Variants in NBEA observed in about 807,000 individuals in gnomAD.
NBEA encodes the protein neurobeachin.
NBEA carries 44 observed loss-of-function variants against 343.4 expected under a neutral mutation model. The ratio of observed to expected loss-of-function variants is 0.13; its 90% CI spans 0.10 to 0.16. The LOEUF (loss-of-function observed/expected upper bound fraction) is 0.16. Ranked by LOEUF, NBEA falls within the 10% of genes least tolerant of loss-of-function variation. The probability of loss-of-function intolerance (pLI) is 1.00; values close to 1 mark genes in which losing one functional copy is unlikely to be tolerated. For missense variants in NBEA, 2,555 were observed against 3,631.3 expected (o/e 0.70, Z 7.62); for synonymous variants, 1,175 against 1,238.7 (o/e 0.95, Z 1.08).
At chr13:35,479,076 C>T (rs1032470226) in intron 41 of NBEA, among the ~76,000 whole-genome samples, 1 of 152,210 alleles carries the variant, frequency 6.6e-6, no homozygotes, top group African/African-American at 2.4e-5. Flanking sequence ...TTTTCACTAA[C>T]GATTTGCACT....
chr13:35,510,577 G>A (rs1231755357), intron 41 of NBEA, among the ~76,000 whole-genome samples: 1 of 151,978 alleles, frequency 6.6e-6, no homozygotes, highest in Non-Finnish European at 1.5e-5. Context: ...CGTATTACAC[G>A]TTACTGTCTG....
At position 35,070,633 on chromosome 13, in the gene NBEA, T is replaced by A. The variant is rs919643098; in HGVS notation, c.1438-86T>A. ...AAAAATGTCCAAGTATGTTATTTAA[T>A]TCTATTATAAAGGTATTTGGAACAA... On this transcript the variant is annotated intron_variant, in intron 9 of 58. Transcript: ENST00000379939. The A allele has an allele frequency of 4.2e-6, 5 of 1,200,348 alleles. No homozygotes were observed. The African/African-American group carries it at 7.7e-5, about 18-fold the overall frequency. The allele number at this position is 1,200,348 out of a possible 1,614,324, so 74.4% of individuals were successfully genotyped here.
chr13:35,620,158 T>C (rs974383959), intron 48 of NBEA, among the ~76,000 whole-genome samples: 1 of 152,034 alleles, frequency 6.6e-6, no homozygotes, highest in Non-Finnish European at 1.5e-5. Flanking sequence ...TTTGCAAGGA[T>C]CCCTGCCGTC....
chr13:35,620,993 G>A (rs1413871535), intron 48 of NBEA, among the ~76,000 whole-genome samples: 1 of 152,098 alleles, frequency 6.6e-6, no homozygotes, highest in African/African-American at 2.4e-5. Flanking sequence ...GGTGTTTAGT[G>A]CCTGTTGTCA....
At chr13:35,265,546 C>T (rs1003418501) in intron 34 of NBEA, among the ~76,000 whole-genome samples, 3 of 151,692 alleles carry the variant, frequency 2.0e-5, no homozygotes, top group Non-Finnish European at 3.0e-5. Context: ...AAAGATAGCC[C>T]AGAAATAAAT....
chr13:35,444,731 T>A (rs1396003345), intron 39 of NBEA, among the ~76,000 whole-genome samples: 1 of 152,056 alleles, frequency 6.6e-6, no homozygotes, highest in Non-Finnish European at 1.5e-5. Flanking sequence ...TTATCTCTTC[T>A]TGAGAAAGCA....
chr13:35,095,168 A>C (rs2065269731), intron 10 of NBEA, among the ~76,000 whole-genome samples: 1 of 151,726 alleles, frequency 6.6e-6, no homozygotes. Context: ...TAAATAATAT[A>C]AGTACCTCAA....
chr13:35,251,186 G>T, intron 34 of NBEA: 1 of 253,740 alleles, frequency 3.9e-6, no homozygotes, highest in Admixed American at 4.2e-5. Flanking sequence ...TGTGGTAGGG[G>T]AGGGGACTCA....
intron 17 of NBEA, among the ~76,000 whole-genome samples, chr13:35,124,246 C>T (rs117070761): frequency 0.045 from 6,711 of 148,176 alleles, 226 homozygotes; most frequent in Non-Finnish European, 0.067. Context: ...ACCTCATTTT[C>T]GCCCTTGTTT....
chr13:35,553,541 A>T (rs1296471722), intron 43 of NBEA, among the ~76,000 whole-genome samples: 1 of 152,086 alleles, frequency 6.6e-6, no homozygotes, highest in Admixed American at 6.6e-5. Flanking sequence ...GCAGAATGAC[A>T]TTCTTATCTA....
intron 41 of NBEA, among the ~76,000 whole-genome samples, chr13:35,482,107 T>G (rs1319542362): frequency 6.6e-6 from 1 of 151,736 alleles, no homozygotes; most frequent in Non-Finnish European, 1.5e-5. Context: ...TATTTTTAAT[T>G]TATAGTTTTG....
intron 34 of NBEA, among the ~76,000 whole-genome samples, chr13:35,282,363 G>GT (rs1333505809): frequency 6.6e-6 from 1 of 152,060 alleles, no homozygotes; most frequent in Non-Finnish European, 1.5e-5. Context: ...TAAAACACAT[G>GT]TATCATTCTT....
At chr13:35,347,220 G>A (rs2039930421) in intron 36 of NBEA, among the ~76,000 whole-genome samples, 1 of 151,878 alleles carries the variant, frequency 6.6e-6, no homozygotes, top group Non-Finnish European at 1.5e-5. Context: ...GAATATAGGA[G>A]GAATTACTAG....
At chr13:35,044,840 AG>A in intron 2 of NBEA, 106 bp from the exon 3 acceptor site, 1 of 595,088 alleles carries the variant, frequency 1.7e-6, no homozygotes, top group Non-Finnish European at 2.9e-6. Context: ...AGAGAGAGAG[AG>A]AGAGAGAGAG....
chr13:35,141,357 C>A (rs1347831688), intron 17 of NBEA, among the ~76,000 whole-genome samples: 1 of 152,140 alleles, frequency 6.6e-6, no homozygotes, highest in Non-Finnish European at 1.5e-5. Context: ...ACCTCCACCT[C>A]CCAGGTTTAA....
chr13:35,426,093 CTT>C (rs2044652165), intron 38 of NBEA, among the ~76,000 whole-genome samples: 1 of 152,170 alleles, frequency 6.6e-6, no homozygotes, highest in African/African-American at 2.4e-5. Context: ...GGTCTTGACT[CTT>C]TATCCAATTT....
chr13:35,450,247 G>C (rs2046240259), intron 39 of NBEA, among the ~76,000 whole-genome samples: 1 of 152,028 alleles, frequency 6.6e-6, no homozygotes, highest in South Asian at 2.1e-4. Flanking sequence ...GGCCAAGGTG[G>C]GAGGATCGCT....
intron 34 of NBEA, among the ~76,000 whole-genome samples, chr13:35,277,576 G>T (rs2034685105): frequency 8.2e-6 from 1 of 121,692 alleles, no homozygotes; most frequent in Non-Finnish European, 1.6e-5. Flanking sequence ...AGCTGAGATC[G>T]CACCATTGCA....
At chr13:35,439,205 TGAC>T (rs2045603932) in intron 39 of NBEA, among the ~76,000 whole-genome samples, 1 of 150,804 alleles carries the variant, frequency 6.6e-6, no homozygotes, top group Non-Finnish European at 1.5e-5. Flanking sequence ...CCCACAACAA[TGAC>T]AACAGCAAAA....
Sources: gnomAD v4.1 joint callset for allele counts (sites outside exome capture counted in the v4.1 genomes callset) on GRCh38, gnomAD v4.1.1 for gene constraint, MANE v1.5 for transcripts, NCBI Gene and HGNC (gene_info 2026-07-23, HGNC 2026-07-21) for gene names.